Variants in PLCXD3 observed in about 807,000 individuals in gnomAD.
PLCXD3 encodes phosphatidylinositol specific phospholipase C X domain containing 3, also known as PI-PLC X domain-containing protein 3.
In PLCXD3, 19 loss-of-function variants were observed where a neutral mutation model predicts 25.5. The ratio of observed to expected loss-of-function variants is 0.75; its 90% CI spans 0.52 to 1.09. PLCXD3 has a LOEUF of 1.09. PLCXD3 is among the 50% of genes least tolerant of loss of function. PLCXD3 has a pLI of 0.00. For missense variants in PLCXD3, 411 were observed against 388.1 expected, an observed-to-expected ratio of 1.06 and a Z score of -0.50; for synonymous variants, 174 against 137.6, an observed-to-expected ratio of 1.26 and a Z score of -1.85.
chr5:41,465,353 C>CTCTTTTTTTT (rs1747991676), intron 1 of PLCXD3, among the ~76,000 whole-genome samples: 1 of 13,228 alleles, frequency 7.6e-5, no homozygotes, highest in Non-Finnish European at 1.3e-4. Flanking sequence ...TAGTTCTTGT[C>CTCTTTTTTTT]TTTTTTTTTT....
chr5:41,497,219 A>G (rs1037291926), intron 1 of PLCXD3, among the ~76,000 whole-genome samples: 6 of 151,918 alleles, frequency 3.9e-5, no homozygotes, highest in Admixed American at 2.6e-4. Context: ...GTCTTTTACT[A>G]TACAATTTTT....
At chr5:41,391,884 G>A (rs958623964) in intron 1 of PLCXD3, among the ~76,000 whole-genome samples, 2 of 152,116 alleles carry the variant, frequency 1.3e-5, no homozygotes, top group Non-Finnish European at 2.9e-5. Context: ...GGGAACATAG[G>A]CCTTAAGGGA....
At chr5:41,381,803 C>G in intron 2 of PLCXD3, 23 bp downstream of exon 2, 1 of 1,569,256 alleles carries the variant, frequency 6.4e-7, no homozygotes, top group Non-Finnish European at 8.6e-7. Flanking sequence ...GAGGTTTCCC[C>G]CTGACATTTT....
At chr5:41,424,218 A>G (rs1440479987) in intron 1 of PLCXD3, among the ~76,000 whole-genome samples, 1 of 151,998 alleles carries the variant, frequency 6.6e-6, no homozygotes, top group Non-Finnish European at 1.5e-5. Context: ...ATTACTTTAT[A>G]TATTTTTCTT....
intron 2 of PLCXD3, among the ~76,000 whole-genome samples, chr5:41,360,661 C>A: frequency 6.6e-6 from 1 of 152,188 alleles, no homozygotes; most frequent in East Asian, 1.9e-4. Flanking sequence ...AGCTACCAGG[C>A]TCCCAGCTGG....
chr5:41,329,199 G>C (rs1413621656), intron 2 of PLCXD3, among the ~76,000 whole-genome samples: 1 of 152,212 alleles, frequency 6.6e-6, no homozygotes, highest in Non-Finnish European at 1.5e-5. Flanking sequence ...TGTTAAAAGA[G>C]AAATTTCAGT....
chr5:41,410,381 G>A (rs1746483857), intron 1 of PLCXD3, among the ~76,000 whole-genome samples: 1 of 151,862 alleles, frequency 6.6e-6, no homozygotes, highest in South Asian at 2.1e-4. Flanking sequence ...CTGACCTCGT[G>A]ATCTGCCCAC....
intron 2 of PLCXD3, among the ~76,000 whole-genome samples, chr5:41,338,505 T>C (rs1255779384): frequency 6.6e-6 from 1 of 152,116 alleles, no homozygotes; most frequent in East Asian, 1.9e-4. Context: ...CTTGGTGTTC[T>C]ACAGAACACT....
chr5:41,311,168 G>A lies in PLCXD3; in HGVS notation c.*2449C>T, dbSNP rs1289067242. 3 of 152,220 alleles carry A rather than the reference G, an allele frequency of 2.0e-5. No homozygotes were observed. The highest frequency in any genetic ancestry group is 4.4e-5 in the Non-Finnish European group (3 of 68,000). 9.4% of individuals were successfully genotyped at this position (152,220 alleles called of 1,614,324 possible). ...GCTAAGATCCTCCTGAAGGATGAAT[G>A]AATAGCCAGTTAGAGAGAAAGTCTG... On this transcript the variant is annotated 3_prime_UTR_variant, in exon 3 of 3. Transcript: ENST00000377801.
chr5:41,422,872 A>G (rs2150506498), intron 1 of PLCXD3, among the ~76,000 whole-genome samples: 1 of 152,268 alleles, frequency 6.6e-6, no homozygotes, highest in South Asian at 2.1e-4. Flanking sequence ...AAAAACAGGC[A>G]TCTTTGCCTT....
chr5:41,482,009 A>T (rs1461061002), intron 1 of PLCXD3, among the ~76,000 whole-genome samples: 1 of 152,246 alleles, frequency 6.6e-6, no homozygotes, highest in Non-Finnish European at 1.5e-5. Flanking sequence ...ATGGGCTATC[A>T]GTTATTATGC....
At chr5:41,320,747 C>T (rs1158944087) in intron 2 of PLCXD3, among the ~76,000 whole-genome samples, 3 of 152,210 alleles carry the variant, frequency 2.0e-5, no homozygotes, top group East Asian at 1.9e-4. Flanking sequence ...CCGTCCGCCT[C>T]GGCCTCCCAA....
At chr5:41,441,174 A>G (rs770434565) in intron 1 of PLCXD3, among the ~76,000 whole-genome samples, 1 of 152,220 alleles carries the variant, frequency 6.6e-6, no homozygotes, top group Non-Finnish European at 1.5e-5. Flanking sequence ...CAGCAACCTG[A>G]AAAGACAGCA....
chr5:41,484,530 G>A (rs1038639266), intron 1 of PLCXD3, among the ~76,000 whole-genome samples: 7 of 151,990 alleles, frequency 4.6e-5, no homozygotes, highest in Admixed American at 2.0e-4. Flanking sequence ...TGCTTAAATG[G>A]CCCTTAGATG....
chr5:41,329,741 A>G (rs1743733729), intron 2 of PLCXD3, among the ~76,000 whole-genome samples: 1 of 150,920 alleles, frequency 6.6e-6, no homozygotes, highest in Admixed American at 6.6e-5. Context: ...CATCATCATC[A>G]TCTTTATAAG....
chr5:41,488,764 T>C (rs1244754230), intron 1 of PLCXD3, among the ~76,000 whole-genome samples: 1 of 147,664 alleles, frequency 6.8e-6, no homozygotes, highest in Non-Finnish European at 1.5e-5. Context: ...TTGCCCACTT[T>C]TTGATGGGGT....
chr5:41,393,053 T>C (rs1186770605), intron 1 of PLCXD3, among the ~76,000 whole-genome samples: 1 of 152,084 alleles, frequency 6.6e-6, no homozygotes, highest in Non-Finnish European at 1.5e-5. Flanking sequence ...AATGAAGCAC[T>C]TAGACAGAAT....
At chr5:41,355,935 C>T (rs1744604957) in intron 2 of PLCXD3, among the ~76,000 whole-genome samples, 2 of 152,088 alleles carry the variant, frequency 1.3e-5, no homozygotes, top group Non-Finnish European at 2.9e-5. Context: ...TTGGCTTAAA[C>T]TTTAACTTAT....
At chr5:41,421,561 C>T (rs1254993025) in intron 1 of PLCXD3, among the ~76,000 whole-genome samples, 7 of 152,022 alleles carry the variant, frequency 4.6e-5, no homozygotes, top group African/African-American at 9.7e-5. Context: ...ATTAACCGGG[C>T]GCGGTGGCGG....
Sources: allele counts gnomAD v4.1 joint callset (sites outside exome capture counted in the v4.1 genomes callset), GRCh38; gene constraint gnomAD v4.1.1; transcripts MANE v1.5; gene names NCBI Gene and HGNC (gene_info 2026-07-23, HGNC 2026-07-21).